The following SLC8A1 variants were observed in gnomAD, a reference collection of about 807,000 sequenced individuals.
SLC8A1 encodes the protein solute carrier family 8 member A1.
Under a neutral mutation model 68.3 loss-of-function variants are expected in SLC8A1, and 18 were observed. That is an observed-to-expected ratio of 0.26 (90% CI 0.18 to 0.39). The LOEUF (loss-of-function observed/expected upper bound fraction) is 0.39, where lower values mean the gene tolerates loss of function less well. Among genes scored for constraint, SLC8A1 ranks in the 10% least tolerant of loss-of-function variants. The probability of loss-of-function intolerance (pLI) is 1.00; values close to 1 mark genes in which losing one functional copy is unlikely to be tolerated. For synonymous variants in SLC8A1, 475 were observed against 415.5 expected, an observed-to-expected ratio of 1.14 and a Z score of -1.74; for missense variants, 985 against 1,156.7, an observed-to-expected ratio of 0.85 and a Z score of 2.15.
intron 2 of SLC8A1, among the ~76,000 whole-genome samples, chr2:40,318,665 G>C (rs2074802148): frequency 6.6e-6 from 1 of 151,872 alleles, no homozygotes. Flanking sequence ...AGAACCTAGA[G>C]ATATTTTACA....
At chr2:40,131,478 GT>G (rs1449014943) in intron 7 of SLC8A1, among the ~76,000 whole-genome samples, 1 of 152,230 alleles carries the variant, frequency 6.6e-6, no homozygotes, top group Non-Finnish European at 1.5e-5. Context: ...ACTGGGTACA[GT>G]TTCCCAAGGG....
rs888269596 is a variant in SLC8A1 at position 40,412,905 on chromosome 2, AT to A, written c.1808+15567del. On this transcript the variant is annotated intron_variant, in intron 2 of 7. Transcript: ENST00000406785. ...GTATTTTTTCTGGTTATCATTGCTG[AT>A]TTTTTTTTATTATACTTTAAGTTTT... 3.9e-3 allele frequency among the ~76,000 whole-genome samples: 586 copies of A among 151,744 alleles called. 6 individuals carry two copies. Among genetic ancestry groups the A allele is most frequent in the African/African-American group, 0.013 (519 of 41,410 alleles).
chr2:40,168,624 C>G (rs13394655), intron 4 of SLC8A1, among the ~76,000 whole-genome samples: 1 of 151,946 alleles, frequency 6.6e-6, no homozygotes, highest in Non-Finnish European at 1.5e-5. Flanking sequence ...CTGTTGAATA[C>G]GGAAATGGTT....
chr2:40,168,101 C>T (rs1386947419), intron 4 of SLC8A1, among the ~76,000 whole-genome samples: 2 of 152,144 alleles, frequency 1.3e-5, no homozygotes, highest in African/African-American at 4.8e-5. Context: ...CATACCATGT[C>T]AGCACTTCCT....
At chr2:40,489,402 C>T (rs1705177130) in intron 1 of SLC8A1, among the ~76,000 whole-genome samples, 1 of 152,014 alleles carries the variant, frequency 6.6e-6, no homozygotes, top group Admixed American at 6.6e-5. Context: ...AAAATAGACT[C>T]CACACAAAGC....
At chr2:40,122,187 C>T (rs542215066) in intron 7 of SLC8A1, among the ~76,000 whole-genome samples, 2 of 150,810 alleles carry the variant, frequency 1.3e-5, no homozygotes, top group South Asian at 2.1e-4. Context: ...CTTTCTCTCT[C>T]ACAAGTGCAT....
intron 2 of SLC8A1, among the ~76,000 whole-genome samples, chr2:40,419,656 G>C (rs1694922586): frequency 6.6e-6 from 1 of 152,126 alleles, no homozygotes; most frequent in Non-Finnish European, 1.5e-5. Flanking sequence ...ACTGTGTCAA[G>C]ATTGTAATGG....
intron 1 of SLC8A1, among the ~76,000 whole-genome samples, chr2:40,462,218 G>A (rs1172902934): frequency 6.6e-6 from 1 of 151,314 alleles, no homozygotes. Flanking sequence ...TGTTTGCCAG[G>A]CTGGTCTCAA....
chr2:40,241,005 C>A (rs1251752336), intron 2 of SLC8A1, among the ~76,000 whole-genome samples: 1 of 152,140 alleles, frequency 6.6e-6, no homozygotes, highest in Non-Finnish European at 1.5e-5. Flanking sequence ...TGGGTATATA[C>A]CCAAAGGAAA....
chr2:40,369,119 C>T (rs77615233), intron 2 of SLC8A1, among the ~76,000 whole-genome samples: 1 of 151,984 alleles, frequency 6.6e-6, no homozygotes, highest in Non-Finnish European at 1.5e-5. Flanking sequence ...ATTAAGGACA[C>T]AGGCTGGGGC....
chr2:40,194,680 G>C lies in SLC8A1; in HGVS notation c.1809-16825C>G, dbSNP rs2052611492. 2.6e-5 allele frequency among the ~76,000 whole-genome samples: 4 copies of C among 152,212 alleles called. No homozygotes were observed. In the South Asian group the frequency reaches 8.3e-4, roughly 32 times the overall value. On this transcript the variant is annotated intron_variant, in intron 2 of 7. Coordinates refer to ENST00000406785, the Ensembl canonical transcript of SLC8A1. The stretch of plus-strand genomic sequence containing the variant: ...TAACACCAGTTCCTCGCCCTTCTTT[G>C]TGTTAAGCAGATAGGAGCAGTGAGA...
At chr2:40,477,012 A>G (rs1326403146) in intron 1 of SLC8A1, among the ~76,000 whole-genome samples, 1 of 152,026 alleles carries the variant, frequency 6.6e-6, no homozygotes. Context: ...TTTTGGGAGG[A>G]TGTTCTGGAA....
At chr2:40,488,374 C>T (rs573156748) in intron 1 of SLC8A1, among the ~76,000 whole-genome samples, 16 of 152,168 alleles carry the variant, frequency 1.1e-4, no homozygotes, top group Admixed American at 7.2e-4. Context: ...CAGGCCCATT[C>T]GTATTCTCTC....
intron 2 of SLC8A1, among the ~76,000 whole-genome samples, chr2:40,261,337 T>C (rs571751149): frequency 1.8e-4 from 28 of 152,314 alleles, no homozygotes; most frequent in East Asian, 1.2e-3. Context: ...TCAGATTCTC[T>C]TTCTTGGTTA....
At position 40,238,303 on chromosome 2, in the gene SLC8A1, C is replaced by T. The variant is rs1330514274; in HGVS notation, c.1809-60448G>A. On this transcript the variant is annotated intron_variant, in intron 2 of 7. Transcript: ENST00000406785. ...CCCAGCCAGGTGCGGGATATAATCT[C>T]GTGGTGGGCCGTTTTTTAAGCCCGT... Among the ~76,000 whole-genome samples, 23 of 152,318 alleles carry T rather than the reference C, an allele frequency of 1.5e-4. 1 individual carries two copies. The highest frequency in any genetic ancestry group is 1.2e-3 in the Admixed American group (18 of 15,304).
chr2:40,466,018 A>C (rs925789749), intron 1 of SLC8A1, among the ~76,000 whole-genome samples: 1 of 152,144 alleles, frequency 6.6e-6, no homozygotes, highest in African/African-American at 2.4e-5. Context: ...GAAGGCCCTG[A>C]CAAGATGCCA....
At chr2:40,351,419 G>A (rs17025867) in intron 2 of SLC8A1, among the ~76,000 whole-genome samples, 2,120 of 151,744 alleles carry the variant, frequency 0.014, 24 homozygotes, top group South Asian at 0.045. Flanking sequence ...TCCTGAAAAA[G>A]GGAGACCATA....
At chr2:40,258,700 GGT>G (rs1417666685) in intron 2 of SLC8A1, among the ~76,000 whole-genome samples, 1 of 152,056 alleles carries the variant, frequency 6.6e-6, no homozygotes, top group African/African-American at 2.4e-5. Flanking sequence ...AAATTAGCCA[GGT>G]GTGGCGGCAG....
At chr2:40,456,763 A>G (rs1703049083), upstream of SLC8A1, among the ~76,000 whole-genome samples, 1 of 152,232 alleles carries the variant, frequency 6.6e-6, no homozygotes, top group Non-Finnish European at 1.5e-5. Context: ...ACATGATGTC[A>G]ATGTAAATTT....
Sources: allele counts gnomAD v4.1 joint callset (sites outside exome capture counted in the v4.1 genomes callset), GRCh38; gene constraint gnomAD v4.1.1; transcripts MANE v1.5; gene names NCBI Gene and HGNC (gene_info 2026-07-23, HGNC 2026-07-21).